SIK3: variants seen among roughly 807,000 people sequenced by gnomAD.
The protein encoded by SIK3 is serine/threonine-protein kinase SIK3.
Under a neutral mutation model 144.2 loss-of-function variants are expected in SIK3, and 28 were observed. That is an observed-to-expected ratio of 0.19 (90% CI 0.14 to 0.27). The LOEUF (loss-of-function observed/expected upper bound fraction) is 0.27. SIK3 is among the 10% of genes least tolerant of loss of function. The pLI is 1.00. For missense variants in SIK3, 1,319 were observed against 1,776.0 expected (o/e 0.74, Z 4.62); for synonymous variants, 686 against 676.3 (o/e 1.01, Z -0.22).
rs1477964263 is a variant in SIK3, at chr11:116,849,367, G to C, written c.3656-84C>G. The C allele has an allele frequency of 2.6e-6, 4 of 1,530,400 alleles. No individual in the cohort carries two copies. Among genetic ancestry groups the C allele is most frequent in the Admixed American group, 1.7e-5 (1 of 57,598 alleles). 94.8% of individuals were successfully genotyped at this position (1,530,400 alleles called of 1,614,324 possible). A position where few individuals can be genotyped will look rare whatever the true frequency, so the allele number is the denominator to read the frequency against. ...TCCCATCCAAGAAATGTCTTGCAAG[G>C]GACAATGGGCAAGGCTGAGGAGATC... is the stretch of plus-strand genomic sequence containing the variant. On this transcript the variant is annotated intron_variant, in intron 21 of 24. Transcript: ENST00000445177. This position sits in a 1 kb window ranked among gnomAD's most constrained non-coding sequence, Gnocchi z 4.2.
chr11:117,002,215 C>T (rs1201590691), intron 1 of SIK3, among the ~76,000 whole-genome samples: 1 of 152,350 alleles, frequency 6.6e-6, no homozygotes, highest in East Asian at 1.9e-4. Flanking sequence ...AGCCTGTGGG[C>T]TACATGCGTC....
chr11:116,904,063 C>T (rs1465098555), intron 4 of SIK3, among the ~76,000 whole-genome samples: 1 of 152,176 alleles, frequency 6.6e-6, no homozygotes, highest in Non-Finnish European at 1.5e-5. Flanking sequence ...GTAAGTTCCT[C>T]CATTTCCTTC....
rs1299820200 is a variant in SIK3, at chr11:116,846,437, G to A, written c.4069C>T (p.His1357Tyr). The change falls in exon 24 of 25, where the codon CAC becomes TAC. Residue 1357 changes from histidine to tyrosine, a missense_variant. His to Tyr is a moderately conservative substitution (Grantham distance 83, BLOSUM62 2). Coordinates refer to ENST00000445177, the MANE Select transcript of SIK3 (RefSeq NM_001366686.3). This position sits in a 1 kb window ranked among gnomAD's most constrained non-coding sequence, Gnocchi z 4.1. ...TCCATGCTGAAGGAGACTTCGGGGTGCTTGTAGCTGAGCAGAATGTCTGTA... is the reference window on the plus strand; with the variant it reads ...TCCATGCTGAAGGAGACTTCGGGGTACTTGTAGCTGAGCAGAATGTCTGTA... ...CITDILLSYKHPEVSFSMEQA... is the reference protein window; with the variant it reads ...CITDILLSYKYPEVSFSMEQA... 1 of 1,614,126 alleles carries A rather than the reference G, an allele frequency of 6.2e-7. No homozygotes were observed. Among genetic ancestry groups the A allele is most frequent in the Admixed American group, 1.7e-5 (1 of 60,012 alleles).
chr11:116,873,708 A>T, intron 12 of SIK3, 72 bp from the exon 13 acceptor site: 2 of 1,506,258 alleles, frequency 1.3e-6, no homozygotes, highest in Non-Finnish European at 1.8e-6. Flanking sequence ...CAAGCCACTC[A>T]TCTATGGAAA....
chr11:116,909,473 A>G (rs1307623181), intron 4 of SIK3, among the ~76,000 whole-genome samples: 1 of 152,232 alleles, frequency 6.6e-6, no homozygotes, highest in Non-Finnish European at 1.5e-5. Context: ...GCCAATTACT[A>G]CACAGGTATT....
chr11:117,048,303 GATTT>G (rs1193268823), intron 1 of SIK3, among the ~76,000 whole-genome samples: 3 of 152,138 alleles, frequency 2.0e-5, no homozygotes, highest in African/African-American at 7.2e-5. Context: ...TGAAACCCCA[GATTT>G]ATTTACCTTT....
chr11:116,947,560 TATGTATGTA>T (rs1311094244), intron 3 of SIK3, among the ~76,000 whole-genome samples: 9 of 65,678 alleles, frequency 1.4e-4, no homozygotes, highest in South Asian at 3.4e-4. Flanking sequence ...TGTATGTATG[TATGTATGTA>T]TTTTTTTTTT....
intron 1 of SIK3, among the ~76,000 whole-genome samples, chr11:117,026,969 T>C (rs1264236712): frequency 6.6e-6 from 1 of 152,238 alleles, no homozygotes; most frequent in South Asian, 2.1e-4. Context: ...ATTCAAGGAA[T>C]TTCTAGGGCT....
At chr11:116,900,337 A>G (rs1011171081) in intron 4 of SIK3, among the ~76,000 whole-genome samples, 1 of 151,822 alleles carries the variant, frequency 6.6e-6, no homozygotes, top group Non-Finnish European at 1.5e-5. Flanking sequence ...CCTCTTTTCT[A>G]TTTCCATTTC....
At chr11:116,894,705 A>T (rs972761095) in intron 6 of SIK3, among the ~76,000 whole-genome samples, 1 of 152,228 alleles carries the variant, frequency 6.6e-6, no homozygotes, top group African/African-American at 2.4e-5. Context: ...AGGGTTGTTA[A>T]AATAATGAAG....
chr11:117,014,717 A>G (rs749289313), intron 1 of SIK3, among the ~76,000 whole-genome samples: 1 of 152,338 alleles, frequency 6.6e-6, no homozygotes, highest in African/African-American at 2.4e-5. Context: ...TTATGCAATG[A>G]TTACCATAAC....
chr11:116,877,726 G>A (rs1321188580), intron 6 of SIK3, among the ~76,000 whole-genome samples: 1 of 151,420 alleles, frequency 6.6e-6, no homozygotes, highest in Non-Finnish European at 1.5e-5. Context: ...AAGAACAATG[G>A]ATTCAAAATC....
At chr11:116,939,585 A>G (rs886126119) in intron 3 of SIK3, among the ~76,000 whole-genome samples, 9 of 152,254 alleles carry the variant, frequency 5.9e-5, no homozygotes, top group Admixed American at 1.3e-4. Context: ...AGTATCACTA[A>G]AAGTGGGAAA....
intron 1 of SIK3, among the ~76,000 whole-genome samples, chr11:117,005,322 G>A (rs1158232243): frequency 8.8e-6 from 1 of 113,910 alleles, no homozygotes; most frequent in South Asian, 3.2e-4. Flanking sequence ...GTGACAGAGC[G>A]AGACCCCGTC....
At chr11:117,057,607 C>T (rs1008336018) in intron 1 of SIK3, among the ~76,000 whole-genome samples, 34 of 152,158 alleles carry the variant, frequency 2.2e-4, no homozygotes, top group African/African-American at 8.0e-4. Context: ...AGCTTAGAGC[C>T]TACCAACAAA....
At chr11:116,923,253 T>C (rs1294756607) in intron 4 of SIK3, among the ~76,000 whole-genome samples, 1 of 152,214 alleles carries the variant, frequency 6.6e-6, no homozygotes, top group Non-Finnish European at 1.5e-5. Flanking sequence ...AAAACCCTTT[T>C]TCTCTCTTGC....
intron 6 of SIK3, among the ~76,000 whole-genome samples, chr11:116,888,180 C>T (rs1398358505): frequency 3.3e-5 from 5 of 152,182 alleles, no homozygotes; most frequent in Admixed American, 2.6e-4. Context: ...GAACACTATA[C>T]CAGCTCTGCT....
chr11:116,907,012 T>C (rs1329882739), intron 4 of SIK3, among the ~76,000 whole-genome samples: 1 of 152,212 alleles, frequency 6.6e-6, no homozygotes, highest in East Asian at 1.9e-4. Flanking sequence ...GGAACTGGAC[T>C]GTCCTTGACT....
Position 116,863,721 on chromosome 11 carries a change from T to C in SIK3, c.2050A>G (p.Lys684Glu). The change falls in exon 16 of 25, where the codon AAA becomes GAA. Residue 684 changes from lysine to glutamate, a missense_variant. Physicochemically the swap from Lys to Glu is moderately conservative, Grantham distance 56. Coordinates refer to ENST00000445177, the MANE Select transcript of SIK3 (RefSeq NM_001366686.3). Reference sequence around the variant, plus strand: ...TTGCCCATTTTTTCCAGGTGAGCTTTGAAGGCCTGGATGCTCGCAGCCCCA... The same window carrying C: ...TTGCCCATTTTTTCCAGGTGAGCTTCGAAGGCCTGGATGCTCGCAGCCCCA... ...SDGAASIQAF[K>E]AHLEKMGNNS... 6.2e-7 allele frequency: 1 copy of C among 1,614,204 alleles called. No individual in the cohort carries two copies. The highest frequency in any genetic ancestry group is 8.5e-7 in the Non-Finnish European group (1 of 1,180,028).
Sources: allele counts gnomAD v4.1 joint callset (sites outside exome capture counted in the v4.1 genomes callset), GRCh38; gene constraint gnomAD v4.1.1; non-coding constraint Gnocchi (gnomAD v3.1); transcripts MANE v1.5; gene names NCBI Gene and HGNC (gene_info 2026-07-23, HGNC 2026-07-21).